UBE2G1: variants seen among roughly 807,000 people sequenced by gnomAD.
The protein encoded by UBE2G1 is ubiquitin conjugating enzyme E2 G1, also known as ubiquitin-conjugating enzyme E2 G1.
A neutral mutation model predicts 22.7 loss-of-function variants in UBE2G1; 5 were observed. The observed-to-expected ratio is 0.22, with a 90% CI of 0.12 to 0.46. The LOEUF (loss-of-function observed/expected upper bound fraction) is 0.46. Among genes scored for constraint, UBE2G1 ranks in the 20% least tolerant of loss-of-function variants. The pLI is 0.99. For synonymous variants in UBE2G1, 74 were observed against 67.5 expected (o/e 1.10, Z -0.47); for missense variants, 88 against 203.9 (o/e 0.43, Z 3.46).
At position 4,325,684 on chromosome 17, in the gene UBE2G1, T is replaced by C. The variant is rs773597474; in HGVS notation, c.47-18561A>G. Among the ~76,000 whole-genome samples the C allele has an allele frequency of 4.3e-4, 65 of 152,160 alleles. No individual in the cohort carries two copies. The Middle Eastern group carries it at 0.01, about 24-fold the overall frequency. On this transcript the variant is annotated intron_variant, in intron 1 of 5. Coordinates refer to ENST00000396981, the MANE Select transcript of UBE2G1 (RefSeq NM_003342.5). Reference sequence around the variant, plus strand: ...AACATTCTTGAAAACAAGAACAAAGTTGGAGAACTCACATGTCCTGATTCC... The same window carrying C: ...AACATTCTTGAAAACAAGAACAAAGCTGGAGAACTCACATGTCCTGATTCC...
chr17:4,338,539 A>G (rs530213365), intron 1 of UBE2G1, among the ~76,000 whole-genome samples: 1 of 152,312 alleles, frequency 6.6e-6, no homozygotes. Context: ...TTCAAAGGTA[A>G]TTCTTTTATT....
intron 1 of UBE2G1, among the ~76,000 whole-genome samples, chr17:4,312,148 G>A (rs1969317349): frequency 6.6e-6 from 1 of 151,226 alleles, no homozygotes; most frequent in African/African-American, 2.4e-5. Context: ...TGGGAGGCAG[G>A]AGAATCGCTT....
chr17:4,357,614 T>C (rs143817281), intron 1 of UBE2G1, among the ~76,000 whole-genome samples: 1 of 151,708 alleles, frequency 6.6e-6, no homozygotes, highest in African/African-American at 2.4e-5. Context: ...AGATCCCTCA[T>C]GTTACTGTAT....
At chr17:4,310,878 C>G (rs890270116) in intron 1 of UBE2G1, among the ~76,000 whole-genome samples, 3 of 152,040 alleles carry the variant, frequency 2.0e-5, no homozygotes, top group African/African-American at 7.3e-5. Context: ...TCAACCTAAC[C>G]TGGTGATGTT....
intron 1 of UBE2G1, among the ~76,000 whole-genome samples, chr17:4,337,206 T>G (rs1041460387): frequency 1.3e-5 from 2 of 151,810 alleles, no homozygotes; most frequent in African/African-American, 4.8e-5. Context: ...CCGGGCATCC[T>G]GGCGCGTGCC....
intron 1 of UBE2G1, among the ~76,000 whole-genome samples, chr17:4,307,915 G>T (rs1969266056): frequency 6.6e-6 from 1 of 152,226 alleles, no homozygotes; most frequent in Non-Finnish European, 1.5e-5. Flanking sequence ...AGGAGCAGGT[G>T]AGCAGCGGTA....
At chr17:4,282,557 A>G (rs1227269271) in intron 5 of UBE2G1, among the ~76,000 whole-genome samples, 1 of 152,234 alleles carries the variant, frequency 6.6e-6, no homozygotes, top group Admixed American at 6.5e-5. Flanking sequence ...ACCATCAGTG[A>G]AAAGAAACAG....
At chr17:4,352,114 CA>C (rs1293383102) in intron 1 of UBE2G1, among the ~76,000 whole-genome samples, 4 of 152,088 alleles carry the variant, frequency 2.6e-5, no homozygotes, top group East Asian at 1.9e-4. Flanking sequence ...GACACATCCT[CA>C]AAAAAAGTGA....
At position 4,274,290 on chromosome 17, in the gene UBE2G1, C is replaced by A. The variant is rs189112969; in HGVS notation, c.*38-1774G>T. 8.6e-5 allele frequency among the ~76,000 whole-genome samples: 13 copies of A among 151,614 alleles called. No individual in the cohort carries two copies. In the East Asian group the frequency reaches 1.9e-3, roughly 23 times the overall value. The stretch of plus-strand genomic sequence containing the variant: ...TCGGCTCACTGCAAGCTCCACCTCC[C>A]GGGTTCGCGCCATTCTCCTGCCTCA... On this transcript the variant is annotated intron_variant, in intron 5 of 5. Transcript: ENST00000396981.
intron 1 of UBE2G1, among the ~76,000 whole-genome samples, chr17:4,315,214 A>C (rs1308069015): frequency 6.6e-6 from 1 of 152,198 alleles, no homozygotes; most frequent in Non-Finnish European, 1.5e-5. Context: ...GGGGGAGTAC[A>C]TGGAGGCCCA....
At chr17:4,362,758 C>T (rs1013226963) in intron 1 of UBE2G1, among the ~76,000 whole-genome samples, 8 of 151,790 alleles carry the variant, frequency 5.3e-5, no homozygotes, top group Admixed American at 4.6e-4. Flanking sequence ...TACTGGGGGC[C>T]GCAGGGGGCA....
At chr17:4,318,048 G>A (rs1035090034) in intron 1 of UBE2G1, among the ~76,000 whole-genome samples, 1 of 152,134 alleles carries the variant, frequency 6.6e-6, no homozygotes, top group Non-Finnish European at 1.5e-5. Flanking sequence ...ACTAGCCTGG[G>A]CAACTTAAAC....
At chr17:4,363,875 C>G (rs1375494480) in intron 1 of UBE2G1, among the ~76,000 whole-genome samples, 1 of 144,128 alleles carries the variant, frequency 6.9e-6, no homozygotes, top group Non-Finnish European at 1.5e-5. Flanking sequence ...TGGCGTGAAC[C>G]CGGGAGGCGG....
chr17:4,278,060 C>A (rs1366358662), intron 5 of UBE2G1, among the ~76,000 whole-genome samples: 1 of 152,180 alleles, frequency 6.6e-6, no homozygotes, highest in African/African-American at 2.4e-5. Context: ...CCACTACGCC[C>A]AGCTACTTTT....
rs143044148 is a variant in UBE2G1, at chr17:4,344,458, T to G, written c.46+21813A>C. Among the ~76,000 whole-genome samples the G allele has an allele frequency of 4.9e-3, 747 of 151,420 alleles. 5 individuals are homozygous for G. The highest frequency in any genetic ancestry group is 0.018 in the African/African-American group (726 of 41,220). ...GGGAGGCTGAGGCAGGAGAATCTCT[T>G]GAACCCGGGAGGCGGAGGCTGCAAT... On this transcript the variant is annotated intron_variant, in intron 1 of 5. Coordinates refer to ENST00000396981, the MANE Select transcript of UBE2G1 (RefSeq NM_003342.5).
In UBE2G1 at chr17:4,329,109, GAAAAAAAAAAA is replaced by G. The variant is rs56962666; in HGVS notation, c.47-21997_47-21987del. Among the ~76,000 whole-genome samples, 49 of 91,742 alleles carry G rather than the reference GAAAAAAAAAAA, an allele frequency of 5.3e-4. 1 individual carries two copies. In the South Asian group the frequency reaches 0.015, roughly 27 times the overall value. 60.2% of individuals were successfully genotyped at this position (91,742 alleles called of 152,430 possible). ...ACAGAGAGAGACTCCGTCTCAAAAA[GAAAAAAAAAAA>G]AAAAAAAAAAAGACACTTCTGTAAT... is the stretch of plus-strand genomic sequence containing the variant. On this transcript the variant is annotated intron_variant, in intron 1 of 5. Coordinates refer to ENST00000396981, the MANE Select transcript of UBE2G1 (RefSeq NM_003342.5).
intron 1 of UBE2G1, among the ~76,000 whole-genome samples, chr17:4,346,431 CTTTTTTT>C (rs67852481): frequency 5.0e-5 from 6 of 120,530 alleles, no homozygotes; most frequent in African/African-American, 6.9e-5. Context: ...TTTTCTTCTT[CTTTTTTT>C]TTTTTTTTTT....
intron 5 of UBE2G1, among the ~76,000 whole-genome samples, chr17:4,282,478 C>G (rs1243901713): frequency 6.6e-6 from 1 of 152,162 alleles, no homozygotes; most frequent in East Asian, 1.9e-4. Flanking sequence ...CCCAAGTGAT[C>G]AGGATGCTAG....
rs1468495405 is a variant in UBE2G1, at chr17:4,270,239, C to G, written c.*2315G>C. On this transcript the variant is annotated 3_prime_UTR_variant, in exon 6 of 6. Coordinates refer to ENST00000396981, the MANE Select transcript of UBE2G1 (RefSeq NM_003342.5). ...GAGTTACTAGGTCATTTGCTGCTTG[C>G]TGAAGAGTCAGATCCCAAGTTTCAC... 6.5e-6 allele frequency: 1 copy of G among 152,714 alleles called. No homozygotes were observed. The highest frequency in any genetic ancestry group is 1.5e-5 in the Non-Finnish European group (1 of 68,026). The allele number at this position is 152,714 out of a possible 1,614,324, so 9.5% of individuals were successfully genotyped here.
Sources: gnomAD v4.1 joint callset for allele counts (sites outside exome capture counted in the v4.1 genomes callset) on GRCh38, gnomAD v4.1.1 for gene constraint, MANE v1.5 for transcripts, NCBI Gene and HGNC (gene_info 2026-07-23, HGNC 2026-07-21) for gene names.